KHDRBS3: variants seen among roughly 807,000 people sequenced by gnomAD.
KHDRBS3 encodes KH domain-containing, RNA-binding, signal transduction-associated protein 3.
A neutral mutation model predicts 45.6 loss-of-function variants in KHDRBS3; 23 were observed. The ratio of observed to expected loss-of-function variants is 0.50; its 90% CI spans 0.36 to 0.72. The LOEUF (loss-of-function observed/expected upper bound fraction) is 0.72. KHDRBS3 is among the 30% of genes least tolerant of loss of function. KHDRBS3 has a pLI of 0.00. For missense variants in KHDRBS3, 352 were observed against 424.8 expected (o/e 0.83, Z 1.51); for synonymous variants, 162 against 156.5 (o/e 1.04, Z -0.26).
intron 4 of KHDRBS3, among the ~76,000 whole-genome samples, chr8:135,551,480 T>G (rs1379461586): frequency 1.3e-5 from 2 of 152,202 alleles, no homozygotes; most frequent in Non-Finnish European, 2.9e-5. Context: ...GTATTGAATT[T>G]TGCAAATCTT....
At chr8:135,550,623 T>G (rs1445396709) in intron 4 of KHDRBS3, among the ~76,000 whole-genome samples, 1 of 152,184 alleles carries the variant, frequency 6.6e-6, no homozygotes, top group African/African-American at 2.4e-5. Flanking sequence ...CTTAATTACT[T>G]TAGCCTTAAG....
chr8:135,458,263 G>A, intron 1 of KHDRBS3: 1 of 1,013,902 alleles, frequency 9.9e-7, no homozygotes, highest in Non-Finnish European at 1.2e-6. Context: ...CCATCTGGGG[G>A]CTTCGTTGGG....
intron 5 of KHDRBS3, among the ~76,000 whole-genome samples, chr8:135,573,356 A>G (rs1827797491): frequency 6.6e-6 from 1 of 152,356 alleles, no homozygotes; most frequent in East Asian, 1.9e-4. Flanking sequence ...CTAAATGTGT[A>G]AAATGAGAAC....
At chr8:135,654,078 A>T (rs1245542066) in intron 4 of KHDRBS3, among the ~76,000 whole-genome samples, 1 of 152,164 alleles carries the variant, frequency 6.6e-6, no homozygotes, top group Non-Finnish European at 1.5e-5. Context: ...GCATTTTTTT[A>T]AATTATCACT....
At chr8:135,481,430 G>C (rs1822573167) in intron 1 of KHDRBS3, among the ~76,000 whole-genome samples, 1 of 141,054 alleles carries the variant, frequency 7.1e-6, no homozygotes, top group Non-Finnish European at 1.6e-5. Context: ...CTTAGAGCAC[G>C]CTGCATACCT....
chr8:135,536,260 T>A (rs933390488), intron 2 of KHDRBS3, among the ~76,000 whole-genome samples: 25 of 132,052 alleles, frequency 1.9e-4, no homozygotes, highest in African/African-American at 4.8e-4. Flanking sequence ...TTTTTTTTTT[T>A]TTATTATTGT....
chr8:135,645,130 C>T lies in KHDRBS3; in HGVS notation c.949+13C>T. ...TATGATTCCTACGGTGAGTGACTGG[C>T]CAGAGCATGTGAAGAGAGGGAGGAG... On this transcript the variant is annotated intron_variant, in intron 8 of 8. Transcript: ENST00000355849. 1 of 1,612,640 alleles carries T rather than the reference C, an allele frequency of 6.2e-7. No homozygotes were observed. Among genetic ancestry groups the T allele is most frequent in the Non-Finnish European group, 8.5e-7 (1 of 1,179,424 alleles).
intron 1 of KHDRBS3, among the ~76,000 whole-genome samples, chr8:135,514,774 A>G (rs577096878): frequency 7.2e-5 from 11 of 152,200 alleles, no homozygotes; most frequent in Non-Finnish European, 1.2e-4. Context: ...TGACTGTGCT[A>G]TTAGCTCTCT....
chr8:135,467,330 T>TTCATAGCTG (rs1821748273), intron 1 of KHDRBS3, among the ~76,000 whole-genome samples: 1 of 152,252 alleles, frequency 6.6e-6, no homozygotes, highest in South Asian at 2.1e-4. Context: ...GGCCTTCCCT[T>TTCATAGCTG]TCATAGCTGT....
In KHDRBS3 at chr8:135,458,009, C is replaced by T. The variant is rs1037638091; in HGVS notation, c.88+55C>T. 10 of 1,521,018 alleles carry T rather than the reference C, an allele frequency of 6.6e-6. No individual in the cohort carries two copies. In the South Asian group the frequency reaches 1.1e-4, roughly 17 times the overall value. 94.2% of individuals were successfully genotyped at this position (1,521,018 alleles called of 1,614,324 possible). A position where few individuals can be genotyped will look rare whatever the true frequency, so the allele number is the denominator to read the frequency against. ...GCGGCGGTTGGGGGCCGGGTGGAAA[C>T]GCGGGGGCCCAGGGGGCCCCTCCGT... On this transcript the variant is annotated intron_variant, in intron 1 of 8. Transcript: ENST00000355849.
intron 1 of KHDRBS3, chr8:135,458,846 C>A: frequency 2.2e-6 from 1 of 455,960 alleles, no homozygotes; most frequent in Non-Finnish European, 4.4e-6. Flanking sequence ...GGCACGCCTA[C>A]CCGGGACAGT....
In KHDRBS3 at chr8:135,624,978, A is replaced by G. The variant is rs73712095; in HGVS notation, c.890+17941A>G. Among the ~76,000 whole-genome samples, 1,335 of 152,304 alleles carry G rather than the reference A, an allele frequency of 8.8e-3. 13 individuals carry two copies. Among genetic ancestry groups the G allele is most frequent in the African/African-American group, 0.024 (989 of 41,560 alleles). On this transcript the variant is annotated intron_variant, in intron 7 of 8. Coordinates refer to ENST00000355849, the MANE Select transcript of KHDRBS3 (RefSeq NM_006558.3). ...TCCCAGGTGAACCAACTAGATGTTA[A>G]TACTGCTCTGCTACAAGGTAAAAGC...
intron 6 of KHDRBS3, among the ~76,000 whole-genome samples, chr8:135,602,576 G>GT (rs5895318): frequency 0.39 from 58,853 of 150,150 alleles, 12,406 homozygotes; most frequent in South Asian, 0.53. Context: ...TAATATTTTA[G>GT]TTTTTTTTTT....
chr8:135,518,629 T>C (rs558918770), intron 1 of KHDRBS3, among the ~76,000 whole-genome samples: 18 of 152,222 alleles, frequency 1.2e-4, no homozygotes, highest in African/African-American at 2.7e-4. Flanking sequence ...CATAAATAGA[T>C]AATGAAGGGT....
At chr8:135,603,872 A>T (rs1224027876) in intron 6 of KHDRBS3, among the ~76,000 whole-genome samples, 1 of 152,118 alleles carries the variant, frequency 6.6e-6, no homozygotes, top group East Asian at 1.9e-4. Flanking sequence ...AAGAATGTGT[A>T]TTCGGTTCTT....
At chr8:135,490,106 G>T (rs1234131752) in intron 1 of KHDRBS3, among the ~76,000 whole-genome samples, 1 of 152,150 alleles carries the variant, frequency 6.6e-6, no homozygotes, top group Non-Finnish European at 1.5e-5. Flanking sequence ...CCTACACCAT[G>T]TAGCCTAGGT....
intron 2 of KHDRBS3, chr8:135,541,644 G>T (rs888416129): frequency 1.3e-5 from 2 of 152,186 alleles, no homozygotes; most frequent in African/African-American, 2.4e-5. Context: ...GATCACGGAA[G>T]AAGTGGCTGC....
chr8:135,496,220 C>T (rs528023692), intron 1 of KHDRBS3, among the ~76,000 whole-genome samples: 15 of 150,668 alleles, frequency 1.0e-4, no homozygotes, highest in East Asian at 3.9e-4. Context: ...TAATCAGTGA[C>T]GAAGAAAACT....
intron 2 of KHDRBS3, among the ~76,000 whole-genome samples, chr8:135,527,621 G>C (rs1335395983): frequency 4.6e-5 from 7 of 152,222 alleles, no homozygotes; most frequent in African/African-American, 1.7e-4. Context: ...TTTCAGGAGA[G>C]GGAATGCCAC....
Sources: gnomAD v4.1 joint callset for allele counts (sites outside exome capture counted in the v4.1 genomes callset) on GRCh38, gnomAD v4.1.1 for gene constraint, MANE v1.5 for transcripts, NCBI Gene and HGNC (gene_info 2026-07-23, HGNC 2026-07-21) for gene names.